Variants in TLE4 observed in about 807,000 individuals in gnomAD.
TLE4 encodes the protein TLE family member 4, transcriptional corepressor.
In TLE4, 8 loss-of-function variants were observed where a neutral mutation model predicts 92.8. The observed-to-expected ratio is 0.09, with a 90% confidence interval of 0.05 to 0.16. TLE4 has a LOEUF of 0.16. Among genes scored for constraint, TLE4 ranks in the 10% least tolerant of loss-of-function variants. The probability of loss-of-function intolerance (pLI) is 1.00; values close to 1 mark genes in which losing one functional copy is unlikely to be tolerated. For synonymous variants in TLE4, 371 were observed against 374.1 expected, an observed-to-expected ratio of 0.99 and a Z score of 0.10; for missense variants, 675 against 997.6, an observed-to-expected ratio of 0.68 and a Z score of 4.36.
chr9:79,667,262 G>A (rs2061545649), intron 8 of TLE4, among the ~76,000 whole-genome samples: 1 of 152,180 alleles, frequency 6.6e-6, no homozygotes, highest in African/African-American at 2.4e-5. Flanking sequence ...CAAAGGCTGT[G>A]TGTGGGCATG....
At chr9:79,574,511 G>A (rs1378604424) in intron 2 of TLE4, among the ~76,000 whole-genome samples, 3 of 152,092 alleles carry the variant, frequency 2.0e-5, no homozygotes, top group Admixed American at 6.5e-5. Flanking sequence ...TGACGTTTTG[G>A]AGGACTTATT....
At chr9:79,709,528 C>A in intron 13 of TLE4, 95 bp from the exon 14 acceptor site, 1 of 1,016,176 alleles carries the variant, frequency 9.8e-7, no homozygotes, top group Non-Finnish European at 1.5e-6. Context: ...TTTAAAGGAT[C>A]TATTCTCCCA....
intron 8 of TLE4, among the ~76,000 whole-genome samples, chr9:79,694,053 T>A (rs1405203293): frequency 6.6e-6 from 1 of 152,222 alleles, no homozygotes; most frequent in East Asian, 1.9e-4. Flanking sequence ...GTCAACAACC[T>A]CTTTAGCCCA....
chr9:79,617,074 G>A (rs1260761375), intron 5 of TLE4, among the ~76,000 whole-genome samples: 1 of 152,110 alleles, frequency 6.6e-6, no homozygotes, highest in Non-Finnish European at 1.5e-5. Context: ...GGTTATTTGG[G>A]GTCCTAAGAC....
intron 8 of TLE4, among the ~76,000 whole-genome samples, chr9:79,659,877 A>G (rs945024897): frequency 6.6e-6 from 1 of 152,228 alleles, no homozygotes; most frequent in Non-Finnish European, 1.5e-5. Context: ...TTTGTATTTC[A>G]AATACATCAT....
chr9:79,575,391 G>A (rs1193690439), intron 3 of TLE4, among the ~76,000 whole-genome samples: 1 of 152,036 alleles, frequency 6.6e-6, no homozygotes, highest in African/African-American at 2.4e-5. Context: ...AGGAGTGATG[G>A]ATAAGGAAAG....
At chr9:79,625,106 G>T (rs1169209647) in intron 5 of TLE4, among the ~76,000 whole-genome samples, 3 of 121,536 alleles carry the variant, frequency 2.5e-5, no homozygotes, top group Non-Finnish European at 4.8e-5. Context: ...TGCAAGCTCC[G>T]CCTCCCGGGT....
intron 19 of TLE4, among the ~76,000 whole-genome samples, chr9:79,724,480 C>G (rs2076129468): frequency 6.6e-6 from 1 of 152,010 alleles, no homozygotes; most frequent in Non-Finnish European, 1.5e-5. Context: ...TAGCTGATGT[C>G]CCCAGGACAG....
intron 6 of TLE4, among the ~76,000 whole-genome samples, chr9:79,630,269 T>C (rs2053824028): frequency 6.6e-6 from 1 of 152,216 alleles, no homozygotes. Flanking sequence ...TGCAAAATGC[T>C]GAAGTGATCC....
intron 4 of TLE4, among the ~76,000 whole-genome samples, chr9:79,596,233 A>C (rs1040969843): frequency 6.6e-6 from 1 of 152,222 alleles, no homozygotes; most frequent in South Asian, 2.1e-4. Flanking sequence ...GGACCATGTT[A>C]TTGTCTGAGA....
chr9:79,685,654 A>G (rs2065685529), intron 8 of TLE4, among the ~76,000 whole-genome samples: 2 of 152,242 alleles, frequency 1.3e-5, no homozygotes, highest in Admixed American at 1.3e-4. Flanking sequence ...TTATCACAAG[A>G]TAGTCATCAC....
intron 8 of TLE4, among the ~76,000 whole-genome samples, chr9:79,671,995 C>CTTTTTT (rs773064446): frequency 2.1e-4 from 7 of 33,694 alleles, no homozygotes; most frequent in African/African-American, 9.2e-4. Flanking sequence ...AAACAAAACA[C>CTTTTTT]TTTTTTTTTT....
chr9:79,699,932 T>C (rs2069320609), intron 8 of TLE4, among the ~76,000 whole-genome samples: 1 of 152,142 alleles, frequency 6.6e-6, no homozygotes, highest in Admixed American at 6.5e-5. Flanking sequence ...TCAGAATATC[T>C]ATGCTGGGGG....
intron 6 of TLE4, among the ~76,000 whole-genome samples, chr9:79,637,262 T>G (rs55698176): frequency 0.024 from 3,658 of 152,324 alleles, 77 homozygotes; most frequent in Middle Eastern, 0.041. Flanking sequence ...AGCATTTACA[T>G]GCATTACTTT....
chr9:79,716,793 A>T (rs1450713282), intron 14 of TLE4, among the ~76,000 whole-genome samples: 1 of 152,126 alleles, frequency 6.6e-6, no homozygotes, highest in Admixed American at 6.6e-5. Flanking sequence ...TGACATTTTG[A>T]TAGTTACTTA....
At position 79,587,617 on chromosome 9, in the gene TLE4, A is replaced by G. The variant is rs546592908; in HGVS notation, c.252+11440A>G. Among the ~76,000 whole-genome samples the G allele has an allele frequency of 1.2e-4, 18 of 152,148 alleles. 1 individual carries two copies. Among genetic ancestry groups the G allele is most frequent in the Non-Finnish European group, 2.5e-4 (17 of 68,022 alleles). On this transcript the variant is annotated intron_variant, in intron 4 of 19. Transcript: ENST00000376552. ...TTTGTTTTTGTGTTTGTATTTTTGT[A>G]GAATCTCACTTTGAGCAATGTTAGG... is the stretch of plus-strand genomic sequence containing the variant.
rs529973810 is a variant in TLE4, at chr9:79,705,973, C to T, written c.783+31C>T. 2.0e-4 allele frequency: 325 copies of T among 1,603,988 alleles called. 4 individuals carry two copies. The South Asian group carries it at 2.7e-3, about 13-fold the overall frequency. On this transcript the variant is annotated intron_variant, in intron 10 of 19. Transcript: ENST00000376552. ...TTTGTGGCTACTTTAATTTTTTGCA[C>T]TTGCCCAGCCATATCAAAGACTAGT...
At chr9:79,719,753 G>T (rs1238080239) in intron 15 of TLE4, among the ~76,000 whole-genome samples, 5 of 152,200 alleles carry the variant, frequency 3.3e-5, no homozygotes, top group African/African-American at 1.2e-4. Context: ...GTATCTGTGT[G>T]TGCAAATGAT....
At chr9:79,655,468 G>A (rs2059651106) in intron 8 of TLE4, among the ~76,000 whole-genome samples, 1 of 152,076 alleles carries the variant, frequency 6.6e-6, no homozygotes, top group Admixed American at 6.5e-5. Context: ...GAGCCCTTAA[G>A]TAATGGAAAA....
Sources: gnomAD v4.1 joint callset for allele counts (sites outside exome capture counted in the v4.1 genomes callset) on GRCh38, gnomAD v4.1.1 for gene constraint, MANE v1.5 for transcripts, NCBI Gene and HGNC (gene_info 2026-07-23, HGNC 2026-07-21) for gene names.